Variants in CEP135 observed in about 807,000 individuals in gnomAD.
CEP135 encodes the protein centrosomal protein 135, also known as centrosomal protein of 135 kDa.
A neutral mutation model predicts 157.3 loss-of-function variants in CEP135; 142 were observed. The observed-to-expected ratio is 0.90, with a 90% CI of 0.79 to 1.04. CEP135 has a LOEUF of 1.04. Among genes scored for constraint, CEP135 ranks in the 50% least tolerant of loss-of-function variants. The pLI is 0.00. For synonymous variants in CEP135, 396 were observed against 439.8 expected, an observed-to-expected ratio of 0.90 and a Z score of 1.25; for missense variants, 1,317 against 1,309.2, an observed-to-expected ratio of 1.01 and a Z score of -0.09.
intron 9 of CEP135, 68 bp downstream of exon 9, chr4:55,969,196 G>T (rs371948689): frequency 1.4e-5 from 18 of 1,282,540 alleles, no homozygotes; most frequent in East Asian, 9.4e-5. Flanking sequence ...ACTGAGGTGG[G>T]TTTATCACCT....
intron 21 of CEP135, among the ~76,000 whole-genome samples, 188 bp from the exon 22 acceptor site, chr4:56,017,460 C>T (rs1730813716): frequency 6.6e-6 from 1 of 151,954 alleles, no homozygotes; most frequent in South Asian, 2.1e-4. Context: ...AATAATTATA[C>T]ACAATTCATT....
chr4:55,981,693 A>T (rs567003369), intron 13 of CEP135, among the ~76,000 whole-genome samples: 2 of 152,308 alleles, frequency 1.3e-5, no homozygotes, highest in South Asian at 4.1e-4. Flanking sequence ...ATGGGAAGAC[A>T]GTATCTTTGT....
intron 8 of CEP135, among the ~76,000 whole-genome samples, chr4:55,967,012 T>C (rs1284585132): frequency 1.3e-5 from 2 of 152,100 alleles, no homozygotes; most frequent in Non-Finnish European, 2.9e-5. Flanking sequence ...AATTTTATCT[T>C]ATTTCAACTA....
chr4:55,969,596 T>C (rs897030508), intron 9 of CEP135, among the ~76,000 whole-genome samples: 6 of 152,176 alleles, frequency 3.9e-5, no homozygotes, highest in African/African-American at 9.7e-5. Flanking sequence ...AAGCATAATA[T>C]TTACAAGGTT....
At chr4:56,015,044 A>T (rs1730724114) in intron 21 of CEP135, among the ~76,000 whole-genome samples, 1 of 152,186 alleles carries the variant, frequency 6.6e-6, no homozygotes, top group African/African-American at 2.4e-5. Context: ...CTTGTCTCAA[A>T]AAAAAGGAAA....
intron 17 of CEP135, among the ~76,000 whole-genome samples, chr4:56,005,526 T>G (rs1174582120): frequency 6.6e-6 from 1 of 152,228 alleles, no homozygotes; most frequent in African/African-American, 2.4e-5. Context: ...TGTCTTAATT[T>G]ACAGATTTGT....
chr4:55,959,853 A>G (rs1361439867), intron 6 of CEP135, 87 bp downstream of exon 6: 3 of 1,056,192 alleles, frequency 2.8e-6, no homozygotes, highest in East Asian at 4.9e-5. Context: ...GAAATTGCTG[A>G]TACTGAGTTT....
chr4:55,996,483 G>A (rs1729975206), intron 15 of CEP135, among the ~76,000 whole-genome samples: 1 of 152,116 alleles, frequency 6.6e-6, no homozygotes, highest in African/African-American at 2.4e-5. Context: ...AGCCCTGAGT[G>A]AGGATGGCTG....
intron 21 of CEP135, 114 bp downstream of exon 21, chr4:56,012,099 C>A (rs1303549947): frequency 2.1e-5 from 15 of 709,124 alleles, no homozygotes; most frequent in Non-Finnish European, 2.3e-5. Context: ...ACTCTGTTGC[C>A]CAGGCTGGAG....
intron 6 of CEP135, 38 bp downstream of exon 6, chr4:55,959,804 T>C (rs1728625270): frequency 3.5e-6 from 5 of 1,436,814 alleles, no homozygotes; most frequent in Non-Finnish European, 4.9e-6. Flanking sequence ...GGGATTGAGA[T>C]AGGTATGCTG....
intron 1 of CEP135, among the ~76,000 whole-genome samples, chr4:55,950,159 G>A (rs948019393): frequency 1.3e-5 from 2 of 152,196 alleles, no homozygotes; most frequent in Non-Finnish European, 2.9e-5. Flanking sequence ...AGAGCAAAGA[G>A]AAAGATATAC....
intron 13 of CEP135, among the ~76,000 whole-genome samples, chr4:55,982,596 C>T (rs1006327944): frequency 2.0e-5 from 3 of 152,058 alleles, no homozygotes; most frequent in South Asian, 2.1e-4. Context: ...TGTTCAGATT[C>T]GTTGCCGATT....
intron 8 of CEP135, chr4:55,966,064 T>C (rs1316576523): frequency 9.7e-6 from 5 of 515,864 alleles, no homozygotes; most frequent in Non-Finnish European, 1.7e-5. Flanking sequence ...TTTGAGTGTC[T>C]CTCTGAAGCA....
At chr4:55,994,686 C>CTTT (rs1167874369) in intron 15 of CEP135, among the ~76,000 whole-genome samples, 3 of 139,912 alleles carry the variant, frequency 2.1e-5, no homozygotes, top group African/African-American at 5.3e-5. Flanking sequence ...CAAGCATAAT[C>CTTT]TTTTTTTTTT....
At position 55,999,519 on chromosome 4, in the gene CEP135, G is replaced by A; in HGVS notation, c.2154G>A (p.Gln718=). The A allele has an allele frequency of 1.2e-6, 2 of 1,611,246 alleles. No individual in the cohort carries two copies. The highest frequency in any genetic ancestry group is 2.2e-5 in the South Asian group (2 of 90,246). ...IDELNLKMTS[Q]DEEAHVMKKT... ...AACTAAACCTTAAGATGACTTCACA[G>A]GATGAGGAGGCTCATGTAATGAAAA... The change falls in exon 17 of 26, where the codon CAG becomes CAA. Residue 718 remains glutamine (Q), a synonymous_variant. Coordinates refer to ENST00000257287, the MANE Select transcript of CEP135 (RefSeq NM_025009.5).
chr4:55,967,580 C>T (rs761444071), intron 8 of CEP135, among the ~76,000 whole-genome samples: 1 of 152,160 alleles, frequency 6.6e-6, no homozygotes, highest in African/African-American at 2.4e-5. Context: ...TTAAGAAGCA[C>T]TGAATATGCA....
At chr4:55,958,304 A>G (rs1045236290) in intron 5 of CEP135, among the ~76,000 whole-genome samples, 5 of 152,120 alleles carry the variant, frequency 3.3e-5, no homozygotes, top group African/African-American at 4.8e-5. Context: ...GCATGGTGGC[A>G]TGCACCTGTA....
intron 19 of CEP135, 124 bp downstream of exon 19, chr4:56,010,027 A>C (rs1450866710): frequency 9.6e-7 from 1 of 1,036,754 alleles, no homozygotes; most frequent in Non-Finnish European, 1.4e-6. Context: ...TAATTCATTA[A>C]GGACAATGGT....
Position 55,999,664 on chromosome 4 carries a change from T to TA in CEP135, c.2280+21dup, listed in dbSNP as rs1472578364. ...TAATAAAGTATGTGATCGTTTAATG[T>TA]AATTTTCCAGCATCCAAACAGAACA... is the stretch of plus-strand genomic sequence containing the variant. On this transcript the variant is annotated intron_variant, in intron 17 of 25. Transcript: ENST00000257287. 3.1e-5 allele frequency: 49 copies of TA among 1,576,370 alleles called. No individual in the cohort carries two copies. The highest frequency in any genetic ancestry group is 4.1e-5 in the Non-Finnish European group (48 of 1,169,956).
Sources: allele counts gnomAD v4.1 joint callset (sites outside exome capture counted in the v4.1 genomes callset), GRCh38; gene constraint gnomAD v4.1.1; transcripts MANE v1.5; gene names NCBI Gene and HGNC (gene_info 2026-07-23, HGNC 2026-07-21).